The following LONP1 variants were observed in gnomAD, a reference collection of about 807,000 sequenced individuals.
LONP1 encodes the protein lon protease homolog, mitochondrial.
Under a neutral mutation model 98.5 loss-of-function variants are expected in LONP1, and 31 were observed. The observed-to-expected ratio is 0.31, with a 90% CI of 0.24 to 0.42. LONP1 has a LOEUF of 0.42. Ranked by LOEUF, LONP1 falls within the 20% of genes least tolerant of loss-of-function variation. The pLI is 1.00. For synonymous variants in LONP1, 781 were observed against 594.7 expected, an observed-to-expected ratio of 1.31 and a Z score of -4.56; for missense variants, 1,336 against 1,350.6, an observed-to-expected ratio of 0.99 and a Z score of 0.17.
chr19:5,697,815 C>G (rs1287429436), intron 10 of LONP1, among the ~76,000 whole-genome samples: 2 of 152,060 alleles, frequency 1.3e-5, no homozygotes, highest in Non-Finnish European at 2.9e-5. Flanking sequence ...CGCAGCCCCG[C>G]TACCTGGTGA....
rs1339705193 is a variant in LONP1, at chr19:5,703,902, G to A, written c.1367+1870C>T. On this transcript the variant is annotated intron_variant, in intron 8 of 17. Coordinates refer to ENST00000360614, the MANE Select transcript of LONP1 (RefSeq NM_004793.4). ...TATCTGCTTCTGCAGGACAAGGCCCGGTCTGAGCAGGTACTTCCACCAGCC... is the reference window on the plus strand; with the variant it reads ...TATCTGCTTCTGCAGGACAAGGCCCAGTCTGAGCAGGTACTTCCACCAGCC... 3.3e-5 allele frequency among the ~76,000 whole-genome samples: 5 copies of A among 152,160 alleles called. No individual in the cohort carries two copies. The South Asian group carries it at 6.2e-4, about 19-fold the overall frequency.
At chr19:5,694,656 G>T (rs1599445313) in intron 14 of LONP1, 104 bp from the exon 15 acceptor site, 2 of 1,564,414 alleles carry the variant, frequency 1.3e-6, no homozygotes, top group South Asian at 2.3e-5. Context: ...GGGTGGTGGG[G>T]TGATGGGCGC....
intron 2 of LONP1, 96 bp from the exon 3 acceptor site, chr19:5,713,349 C>T: frequency 6.9e-7 from 1 of 1,454,784 alleles, no homozygotes; most frequent in Non-Finnish European, 9.6e-7. Context: ...AAAGAAACGC[C>T]CCTACCAAAT....
At chr19:5,717,561 C>A (rs1198277315) in intron 1 of LONP1, 1 of 152,282 alleles carries the variant, frequency 6.6e-6, no homozygotes, top group Non-Finnish European at 1.5e-5. Flanking sequence ...GGGCATCTGT[C>A]GCTCTGCAGA....
intron 1 of LONP1, among the ~76,000 whole-genome samples, chr19:5,715,332 CCTTT>C (rs1481414991): frequency 3.4e-5 from 5 of 146,992 alleles, no homozygotes; most frequent in Admixed American, 2.1e-4. Context: ...TTGATAACTT[CCTTT>C]TTTTTTTTTT....
intron 13 of LONP1, 53 bp downstream of exon 13, chr19:5,696,001 G>T: frequency 6.5e-7 from 1 of 1,528,834 alleles, no homozygotes; most frequent in Non-Finnish European, 8.9e-7. Context: ...CAGGCTCTGG[G>T]GGGCGCCCCC....
Position 5,696,724 on chromosome 19 carries a change from G to A in LONP1, c.1719C>T (p.Ile573=), listed in dbSNP as rs763122032. The change falls in exon 11 of 18, where the codon ATC becomes ATT. Residue 573 remains isoleucine, a synonymous_variant. Transcript: ENST00000360614. ...RTYVGAMPGK[I]IQCLKKTKTE... ...TCTTGGTCTTCTTCAAACACTGGAT[G>A]ATCTTCCCGGGCATGGCGCCCACGT... is the stretch of plus-strand genomic sequence containing the variant. 4.3e-6 allele frequency: 7 copies of A among 1,613,584 alleles called. No individual in the cohort carries two copies. In the South Asian group the frequency reaches 5.5e-5, roughly 13 times the overall value.
chr19:5,713,402 C>T, intron 2 of LONP1, 149 bp from the exon 3 acceptor site: 1 of 979,684 alleles, frequency 1.0e-6, no homozygotes, highest in Non-Finnish European at 1.5e-6. Context: ...CCCGCAGGAG[C>T]TCCAGAGCCT....
At chr19:5,700,185 C>T (rs1459334634) in intron 9 of LONP1, among the ~76,000 whole-genome samples, 1 of 152,196 alleles carries the variant, frequency 6.6e-6, no homozygotes, top group Non-Finnish European at 1.5e-5. Context: ...ACGATCTGGG[C>T]TCACTGCAAC....
rs745419662 is a variant in LONP1 at position 5,720,005 on chromosome 19, T to C, written c.128A>G (p.Gln43Arg). Reference protein sequence around the residue: ...TAAGAWLLRGQRTCDASPPWA... With the variant: ...TAAGAWLLRGRRTCDASPPWA... ...AGGAGGAGAGGCGTCGCAGGTCCGC[T>C]GGCCTCGGAGCAACCACGCTCCTGC... Residue 43 changes from glutamine to arginine, a missense_variant, in exon 1 of 18, where the codon CAG becomes CGG. Gln to Arg is a conservative substitution (Grantham distance 43). Around this residue, in one of 5 missense-constraint regions of LONP1, gnomAD observed 457 missense variants for 403.1 expected, o/e 1.13. Transcript: ENST00000360614. 1.1e-5 allele frequency: 17 copies of C among 1,575,996 alleles called. No homozygotes were observed. In the South Asian group the frequency reaches 1.3e-4, roughly 12 times the overall value.
chr19:5,712,993 C>T, intron 3 of LONP1, 141 bp downstream of exon 3: 1 of 1,135,826 alleles, frequency 8.8e-7, no homozygotes, highest in East Asian at 2.4e-5. Context: ...CTCTCACCCC[C>T]AGCTCTGGCC....
upstream of LONP1, chr19:5,720,254 G>T (rs1457553267): frequency 1.5e-6 from 2 of 1,319,096 alleles, no homozygotes; most frequent in Non-Finnish European, 2.0e-6. Context: ...CCGCTTCAGG[G>T]AGCTGGGCCT....
At chr19:5,702,587 G>T (rs1407760659) in intron 8 of LONP1, among the ~76,000 whole-genome samples, 3 of 150,622 alleles carry the variant, frequency 2.0e-5, no homozygotes, top group Non-Finnish European at 4.5e-5. Context: ...GAATAGAAAA[G>T]GGGGAAAGGA....
chr19:5,714,681 T>C (rs1306429350), intron 1 of LONP1, among the ~76,000 whole-genome samples: 2 of 149,118 alleles, frequency 1.3e-5, no homozygotes, highest in South Asian at 2.1e-4. Flanking sequence ...TGCAGTGGCA[T>C]GATCTCAGCT....
chr19:5,711,443 G>A (rs1218773099), intron 4 of LONP1, among the ~76,000 whole-genome samples: 1 of 152,234 alleles, frequency 6.6e-6, no homozygotes, highest in Non-Finnish European at 1.5e-5. Flanking sequence ...GTGGGAAGAA[G>A]CCAGGGCTGG....
intron 1 of LONP1, among the ~76,000 whole-genome samples, chr19:5,715,968 G>A (rs1384523049): frequency 6.6e-6 from 1 of 151,856 alleles, no homozygotes; most frequent in Non-Finnish European, 1.5e-5. Context: ...ATTCTCAACG[G>A]CAGGTTCAGG....
chr19:5,712,189 C>G, intron 3 of LONP1, 187 bp from the exon 4 acceptor site: 1 of 576,102 alleles, frequency 1.7e-6, no homozygotes, highest in Non-Finnish European at 3.1e-6. Context: ...CAACCAGTGT[C>G]CCCTCCACCC....
At chr19:5,700,451 C>G (rs1373140985) in intron 9 of LONP1, among the ~76,000 whole-genome samples, 1 of 152,168 alleles carries the variant, frequency 6.6e-6, no homozygotes, top group African/African-American at 2.4e-5. Context: ...GGGTCTCACT[C>G]TGTCACCCAA....
chr19:5,706,701 G>A (rs2055151141), intron 7 of LONP1, among the ~76,000 whole-genome samples: 1 of 152,182 alleles, frequency 6.6e-6, no homozygotes. Flanking sequence ...AGCCTCAATG[G>A]CTGGGTCTTA....
Sources: allele counts gnomAD v4.1 joint callset (sites outside exome capture counted in the v4.1 genomes callset), GRCh38; gene constraint gnomAD v4.1.1; regional missense constraint gnomAD v4.1.1; transcripts MANE v1.5; gene names NCBI Gene and HGNC (gene_info 2026-07-23, HGNC 2026-07-21).